The following TMC7 variants were observed in gnomAD, a reference collection of about 807,000 sequenced individuals.
TMC7 encodes transmembrane channel-like protein 7.
In TMC7, 54 loss-of-function variants were observed where a neutral mutation model predicts 82.9. The ratio of observed to expected loss-of-function variants is 0.65; its 90% CI spans 0.52 to 0.82. TMC7 has a LOEUF of 0.82. Ranked by LOEUF, TMC7 falls within the 40% of genes least tolerant of loss-of-function variation. The pLI is 0.00. For synonymous variants in TMC7, 350 were observed against 337.9 expected, an observed-to-expected ratio of 1.04 and a Z score of -0.39; for missense variants, 820 against 901.2, an observed-to-expected ratio of 0.91 and a Z score of 1.15.
intron 1 of TMC7, among the ~76,000 whole-genome samples, chr16:18,988,671 T>G (rs2038896462): frequency 6.6e-6 from 1 of 152,106 alleles, no homozygotes. Flanking sequence ...AGGGATCTTC[T>G]TGCCTTGGCC....
At chr16:19,023,827 A>C (rs193094929) in intron 5 of TMC7, among the ~76,000 whole-genome samples, 1 of 152,220 alleles carries the variant, frequency 6.6e-6, no homozygotes, top group African/African-American at 2.4e-5. Flanking sequence ...AAATGAACCC[A>C]GATAGAATGT....
chr16:19,059,653 A>G lies in TMC7; in HGVS notation c.2106+159A>G, dbSNP rs776508129. 7 of 1,548,242 alleles carry G rather than the reference A, an allele frequency of 4.5e-6. No individual in the cohort carries two copies. In the South Asian group the frequency reaches 4.7e-5, roughly 10 times the overall value. On this transcript the variant is annotated intron_variant, in intron 15 of 15. Transcript: ENST00000304381. ...TTGAGGCCCAGCCGCGTCCAGCTTC[A>G]TTAATTCACTGATTCATCCATTCCT...
rs2039038132 is a variant in TMC7 at position 18,996,015 on chromosome 16, A to G, written c.67+11885A>G. Among the ~76,000 whole-genome samples the G allele has an allele frequency of 2.0e-5, 3 of 152,154 alleles. No individual in the cohort carries two copies. The South Asian group carries it at 6.2e-4, about 31-fold the overall frequency. ...GATTTGGGAGTGGTCAGATAAAGAA[A>G]CCTTGACTTGCCTTTAGCTCCAGCC... On this transcript the variant is annotated intron_variant, in intron 1 of 15. Coordinates refer to ENST00000304381, the MANE Select transcript of TMC7 (RefSeq NM_024847.4).
At chr16:19,036,995 A>C (rs1960777531) in intron 7 of TMC7, among the ~76,000 whole-genome samples, 1 of 152,224 alleles carries the variant, frequency 6.6e-6, no homozygotes, top group African/African-American at 2.4e-5. Flanking sequence ...TACTATATTT[A>C]AGTAATATGA....
At position 19,038,049 on chromosome 16, in the gene TMC7, T is replaced by A. The variant is rs1247036602; in HGVS notation, c.1179+2T>A. ...TTCTCGCAAGAGCACATGAAAAAGG[T>A]AAATTAACTTGTACTCTGGCTGGAC... On this transcript the variant is annotated splice_donor_variant, in intron 8 of 15. Transcript: ENST00000304381. LOFTEE classifies it high-confidence loss of function. The A allele has an allele frequency of 6.2e-7, 1 of 1,613,080 alleles. No individual in the cohort carries two copies. The highest frequency in any genetic ancestry group is 8.5e-7 in the Non-Finnish European group (1 of 1,179,634).
intron 5 of TMC7, 134 bp downstream of exon 5, chr16:19,023,329 A>G (rs1960072410): frequency 2.0e-6 from 1 of 512,506 alleles, no homozygotes; most frequent in South Asian, 3.0e-5. Context: ...AGTAAATGAA[A>G]CAGGATTTGC....
Position 19,029,106 on chromosome 16 carries a change from C to T in TMC7, c.712-1118C>T, listed in dbSNP as rs557264373. On this transcript the variant is annotated intron_variant, in intron 5 of 15. Coordinates refer to ENST00000304381, the MANE Select transcript of TMC7 (RefSeq NM_024847.4). ...CTGCAAGATCCGCCTCCCGGGTTCA[C>T]ACCATTCTCCTGCTTCAGCCTCCCG... Among the ~76,000 whole-genome samples the T allele has an allele frequency of 6.6e-5, 10 of 151,044 alleles. 1 individual carries two copies. In the East Asian group the frequency reaches 1.8e-3, roughly 27 times the overall value.
At chr16:18,993,472 G>A (rs1156853421) in intron 1 of TMC7, among the ~76,000 whole-genome samples, 1 of 152,176 alleles carries the variant, frequency 6.6e-6, no homozygotes, top group Non-Finnish European at 1.5e-5. Flanking sequence ...TTGATAGGTG[G>A]AAACTTCAGT....
intron 1 of TMC7, among the ~76,000 whole-genome samples, chr16:18,995,674 G>A (rs2039031884): frequency 6.6e-6 from 1 of 152,228 alleles, no homozygotes; most frequent in South Asian, 2.1e-4. Flanking sequence ...TGCTAGAGAT[G>A]TGGCTGGGGT....
At chr16:19,049,984 A>T (rs1961450806) in intron 12 of TMC7, among the ~76,000 whole-genome samples, 1 of 152,188 alleles carries the variant, frequency 6.6e-6, no homozygotes. Context: ...ATGTGCTTGT[A>T]AAAAACTTCA....
rs192829052 is a variant in TMC7, at chr16:19,005,003, C to G, written c.68-4169C>G. On this transcript the variant is annotated intron_variant, in intron 1 of 15. Coordinates refer to ENST00000304381, the MANE Select transcript of TMC7 (RefSeq NM_024847.4). ...ACACCAGCACAATGGGGATAATTCTCTCTAAAGAGTAGTTCGGAGTATTAA... is the reference window on the plus strand; with the variant it reads ...ACACCAGCACAATGGGGATAATTCTGTCTAAAGAGTAGTTCGGAGTATTAA... Among the ~76,000 whole-genome samples, 728 of 152,014 alleles carry G rather than the reference C, an allele frequency of 4.8e-3. 3 individuals carry two copies. The highest frequency in any genetic ancestry group is 7.2e-3 in the Non-Finnish European group (489 of 67,980).
At chr16:19,023,976 C>T (rs1016000658) in intron 5 of TMC7, among the ~76,000 whole-genome samples, 1 of 152,186 alleles carries the variant, frequency 6.6e-6, no homozygotes, top group Non-Finnish European at 1.5e-5. Context: ...ATGATATGCA[C>T]ATATACCTGC....
chr16:19,005,339 C>T (rs7186494), intron 1 of TMC7, among the ~76,000 whole-genome samples: 2,999 of 152,234 alleles, frequency 0.02, 103 homozygotes, highest in African/African-American at 0.068. Context: ...CCACTCGCCT[C>T]GGCCTCCCAA....
Position 19,040,376 on chromosome 16 carries a change from A to T in TMC7, c.1267A>T (p.Met423Leu). ...VITLANFITP[M>L]IFAKIIRYED... ...CACGCTGGCCAATTTTATCACCCCA[A>T]TGATCTTTGCCAAGATCATCCGCTA... is the stretch of plus-strand genomic sequence containing the variant. Residue 423 changes from methionine to leucine, a missense_variant, in exon 9 of 16, where the codon ATG becomes TTG. By Grantham distance (15) the Met-to-Leu change is conservative. Transcript: ENST00000304381. The T allele has an allele frequency of 6.2e-7, 1 of 1,613,892 alleles. No homozygotes were observed. Among genetic ancestry groups the T allele is most frequent in the Non-Finnish European group, 8.5e-7 (1 of 1,179,996 alleles).
chr16:19,030,766 T>G (rs1267330193), intron 6 of TMC7, among the ~76,000 whole-genome samples: 1 of 151,684 alleles, frequency 6.6e-6, no homozygotes, highest in East Asian at 1.9e-4. Flanking sequence ...TTTAGTAGAG[T>G]TTCACCATGT....
chr16:19,045,066 A>G, intron 10 of TMC7, 65 bp downstream of exon 10: 1 of 1,288,766 alleles, frequency 7.8e-7, no homozygotes, highest in Non-Finnish European at 1.1e-6. Context: ...CATGGTCAAG[A>G]GAACAGCGGT....
Position 19,038,067 on chromosome 16 carries a change from G to C in TMC7, c.1179+20G>C, listed in dbSNP as rs1960841593. 4.4e-6 allele frequency: 7 copies of C among 1,608,624 alleles called. No individual in the cohort carries two copies. The highest frequency in any genetic ancestry group is 5.9e-6 in the Non-Finnish European group (7 of 1,177,182). On this transcript the variant is annotated intron_variant, in intron 8 of 15. Coordinates refer to ENST00000304381, the MANE Select transcript of TMC7 (RefSeq NM_024847.4). ...AAAAAGGTAAATTAACTTGTACTCTGGCTGGACATTATGCCTAGTGCACTG... is the reference window on the plus strand; with the variant it reads ...AAAAAGGTAAATTAACTTGTACTCTCGCTGGACATTATGCCTAGTGCACTG...
intron 1 of TMC7, among the ~76,000 whole-genome samples, chr16:18,989,055 A>G (rs2038902868): frequency 6.7e-6 from 1 of 149,264 alleles, no homozygotes; most frequent in African/African-American, 2.4e-5. Context: ...TCTGTCTCAA[A>G]AAAAAAAAAA....
At position 19,061,833 on chromosome 16, in the gene TMC7, T is replaced by A; in HGVS notation, c.2162T>A (p.Met721Lys). 1.9e-6 allele frequency: 3 copies of A among 1,613,810 alleles called. No homozygotes were observed. The highest frequency in any genetic ancestry group is 2.5e-6 in the Non-Finnish European group (3 of 1,179,828). The change falls in exon 16 of 16, where the codon ATG (methionine) becomes AAG (lysine). Residue 721 changes from methionine to lysine, a missense_variant. Coordinates refer to ENST00000304381, the MANE Select transcript of TMC7 (RefSeq NM_024847.4). ...IQKLTEAQRDMRN is the reference protein window; with the variant it reads ...IQKLTEAQRDKRN The stretch of plus-strand genomic sequence containing the variant: ...AAACTAACAGAAGCCCAAAGGGACA[T>A]GAGGAACTAACTAGACTGAGCGTGA...
Sources: gnomAD v4.1 joint callset for allele counts (sites outside exome capture counted in the v4.1 genomes callset) on GRCh38, gnomAD v4.1.1 for gene constraint, MANE v1.5 for transcripts, NCBI Gene and HGNC (gene_info 2026-07-23, HGNC 2026-07-21) for gene names.